Variants in PCDH15 observed in about 807,000 individuals in gnomAD.
PCDH15 encodes protocadherin related 15.
A neutral mutation model predicts 178.5 loss-of-function variants in PCDH15; 129 were observed. The ratio of observed to expected loss-of-function variants is 0.72; its 90% CI spans 0.63 to 0.84. The LOEUF (loss-of-function observed/expected upper bound fraction) is 0.84. PCDH15 is among the 40% of genes least tolerant of loss of function. The pLI is 0.00. For missense variants in PCDH15, 2,230 were observed against 2,099.9 expected, an observed-to-expected ratio of 1.06 and a Z score of -1.21; for synonymous variants, 800 against 732.0, an observed-to-expected ratio of 1.09 and a Z score of -1.50.
At chr10:54,182,103 G>T (rs4540757) in intron 13 of PCDH15, among the ~76,000 whole-genome samples, 23 of 151,974 alleles carry the variant, frequency 1.5e-4, no homozygotes, top group African/African-American at 5.1e-4. Flanking sequence ...GACTACAGGC[G>T]CATGCCGCCA....
Position 54,912,823 on chromosome 10 carries a change from A to G in PCDH15, c.-79-15323T>C, listed in dbSNP as rs1282005574. ...TTAAATTGTTGTGACCAAAATGCTG[A>G]ATGGAATATGAAAAATGAAGTCTCA... On this transcript the variant is annotated intron_variant, in intron 2 of 5. Coordinates refer to the PCDH15 transcript ENST00000458638. Among the ~76,000 whole-genome samples, 4 of 152,164 alleles carry G rather than the reference A, an allele frequency of 2.6e-5. No homozygotes were observed. In the East Asian group the frequency reaches 7.7e-4, roughly 29 times the overall value.
At chr10:55,193,643 TAA>T (rs1356362999) in intron 1 of PCDH15, among the ~76,000 whole-genome samples, 2 of 152,024 alleles carry the variant, frequency 1.3e-5, no homozygotes, top group African/African-American at 4.8e-5. Flanking sequence ...TCTCATATGC[TAA>T]GTTACATTTA....
chr10:54,604,305 T>A (rs2092659345), intron 2 of PCDH15, among the ~76,000 whole-genome samples: 1 of 151,980 alleles, frequency 6.6e-6, no homozygotes, highest in Non-Finnish European at 1.5e-5. Context: ...TGGTCTCTCC[T>A]ATTGTTCAAG....
intron 8 of PCDH15, among the ~76,000 whole-genome samples, chr10:54,245,193 G>T (rs911845073): frequency 6.6e-6 from 1 of 151,998 alleles, no homozygotes; most frequent in African/African-American, 2.4e-5. Flanking sequence ...CTTTTTTATT[G>T]ATTTGATTTT....
chr10:54,466,916 G>C (rs1055115342), intron 3 of PCDH15, among the ~76,000 whole-genome samples: 2 of 151,834 alleles, frequency 1.3e-5, no homozygotes, highest in African/African-American at 4.8e-5. Context: ...TATTGTAGCT[G>C]TTGTAAATGG....
intron 2 of PCDH15, among the ~76,000 whole-genome samples, chr10:55,446,665 C>T (rs35929027): frequency 0.055 from 8,392 of 152,154 alleles, 300 homozygotes; most frequent in Non-Finnish European, 0.079. Flanking sequence ...TCTAATGTTA[C>T]ATAAATGAAA....
At chr10:55,482,877 T>G (rs1267157722) in intron 2 of PCDH15, among the ~76,000 whole-genome samples, 3 of 151,854 alleles carry the variant, frequency 2.0e-5, no homozygotes, top group Non-Finnish European at 2.9e-5. Flanking sequence ...CTAGCTAGGT[T>G]GGGAAAGTTC....
At chr10:54,906,757 A>G (rs977006082) in intron 2 of PCDH15, among the ~76,000 whole-genome samples, 2 of 152,196 alleles carry the variant, frequency 1.3e-5, no homozygotes, top group Non-Finnish European at 2.9e-5. Context: ...GCAAGTACAT[A>G]GGAATCCATG....
chr10:54,495,899 T>TA (rs2080065391), intron 3 of PCDH15, among the ~76,000 whole-genome samples: 1 of 152,170 alleles, frequency 6.6e-6, no homozygotes, highest in Non-Finnish European at 1.5e-5. Context: ...CTCTTCTTAA[T>TA]AAAAAATCTA....
intron 2 of PCDH15, among the ~76,000 whole-genome samples, chr10:54,618,695 C>T (rs2093260763): frequency 6.6e-6 from 1 of 151,824 alleles, no homozygotes; most frequent in Non-Finnish European, 1.5e-5. Flanking sequence ...TATGTGGGCA[C>T]CAGTGGAGCA....
At chr10:54,575,117 A>G (rs1350010331) in intron 2 of PCDH15, among the ~76,000 whole-genome samples, 1 of 132,914 alleles carries the variant, frequency 7.5e-6, no homozygotes. Flanking sequence ...ACATGCACAC[A>G]GGAAAGGGAA....
chr10:54,777,409 G>C (rs190997938), intron 1 of PCDH15, among the ~76,000 whole-genome samples: 1 of 152,164 alleles, frequency 6.6e-6, no homozygotes, highest in African/African-American at 2.4e-5. Context: ...ATTTGAAAAA[G>C]GGAAGCGGAA....
chr10:54,353,075 A>G (rs996585482), intron 5 of PCDH15, among the ~76,000 whole-genome samples: 3 of 152,150 alleles, frequency 2.0e-5, no homozygotes, highest in Non-Finnish European at 2.9e-5. Context: ...TTTTCTGACA[A>G]TTATGAAATT....
At chr10:54,985,424 C>T (rs968360571) in intron 2 of PCDH15, among the ~76,000 whole-genome samples, 4 of 152,030 alleles carry the variant, frequency 2.6e-5, no homozygotes, top group Non-Finnish European at 5.9e-5. Flanking sequence ...AGGTTAGAGC[C>T]TTGATAAATC....
chr10:54,575,568 A>G (rs1483932337), intron 2 of PCDH15, among the ~76,000 whole-genome samples: 1 of 152,146 alleles, frequency 6.6e-6, no homozygotes, highest in East Asian at 1.9e-4. Context: ...TATCAGAATG[A>G]TATCTAGATG....
chr10:55,584,198 C>A (rs1316589498), intron 2 of PCDH15, among the ~76,000 whole-genome samples: 1 of 152,028 alleles, frequency 6.6e-6, no homozygotes, highest in African/African-American at 2.4e-5. Flanking sequence ...AAAATAAATA[C>A]TTTTTTATTA....
At chr10:54,017,383 G>A (rs1310703391) in intron 20 of PCDH15, among the ~76,000 whole-genome samples, 2 of 152,012 alleles carry the variant, frequency 1.3e-5, no homozygotes, top group Non-Finnish European at 2.9e-5. Context: ...ACATGGAATC[G>A]ACCTAGATGC....
chr10:54,694,842 G>A (rs1054628428), intron 1 of PCDH15, among the ~76,000 whole-genome samples: 2 of 152,018 alleles, frequency 1.3e-5, no homozygotes, highest in South Asian at 2.1e-4. Context: ...ATGAAAGGAG[G>A]AGTCCCAGGC....
chr10:55,449,461 T>C (rs1327282196), intron 2 of PCDH15, among the ~76,000 whole-genome samples: 2 of 152,008 alleles, frequency 1.3e-5, no homozygotes, highest in South Asian at 2.1e-4. Flanking sequence ...TCCATATGTA[T>C]TGGAGTTATT....
Sources: allele counts gnomAD v4.1 joint callset (sites outside exome capture counted in the v4.1 genomes callset), GRCh38; gene constraint gnomAD v4.1.1; transcripts MANE v1.5; gene names NCBI Gene and HGNC (gene_info 2026-07-23, HGNC 2026-07-21).